Variants in ADGRL3 observed in about 807,000 individuals in gnomAD.
ADGRL3 encodes adhesion G protein-coupled receptor L3.
A neutral mutation model predicts 153.5 loss-of-function variants in ADGRL3; 62 were observed. That is an observed-to-expected ratio of 0.40 (90% CI 0.33 to 0.50). The LOEUF (loss-of-function observed/expected upper bound fraction) is 0.50. ADGRL3 is among the 20% of genes least tolerant of loss of function. ADGRL3 has a pLI of 0.47. For missense variants in ADGRL3, 1,641 were observed against 1,859.4 expected (o/e 0.88, Z 2.16); for synonymous variants, 710 against 672.5 (o/e 1.06, Z -0.86).
chr4:61,692,297 T>C (rs897222351), intron 6 of ADGRL3, among the ~76,000 whole-genome samples: 19 of 150,510 alleles, frequency 1.3e-4, no homozygotes, highest in African/African-American at 4.7e-4. Context: ...AATTCTTTTC[T>C]ACCCTCTTCT....
In ADGRL3 at chr4:61,691,227, G is replaced by A. The variant is rs534856647; in HGVS notation, c.583+14292G>A. 3.9e-5 allele frequency among the ~76,000 whole-genome samples: 6 copies of A among 152,194 alleles called. No homozygotes were observed. The South Asian group carries it at 8.3e-4, about 21-fold the overall frequency. On this transcript the variant is annotated intron_variant, in intron 6 of 26. Transcript: ENST00000683033. Reference sequence around the variant, plus strand: ...AGTACTTGATCAAATCTTGACACTCGCTGCTACTTAGGTACCTGATGATAG... The same window carrying A: ...AGTACTTGATCAAATCTTGACACTCACTGCTACTTAGGTACCTGATGATAG...
chr4:61,743,710 A>C (rs1465006391), intron 8 of ADGRL3, among the ~76,000 whole-genome samples: 1 of 152,194 alleles, frequency 6.6e-6, no homozygotes, highest in South Asian at 2.1e-4. Context: ...TGAAAGAATT[A>C]AGAAAAAGAC....
At chr4:61,412,556 G>T (rs892891316) in intron 2 of ADGRL3, among the ~76,000 whole-genome samples, 1 of 152,212 alleles carries the variant, frequency 6.6e-6, no homozygotes, top group African/African-American at 2.4e-5. Context: ...AGTGGGTTCT[G>T]CCTACCACAA....
intron 16 of ADGRL3, among the ~76,000 whole-genome samples, chr4:61,947,649 T>C (rs2098930905): frequency 6.6e-6 from 1 of 152,176 alleles, no homozygotes; most frequent in South Asian, 2.1e-4. Flanking sequence ...TAGGAGTACA[T>C]TAAACAGAAC....
intron 1 of ADGRL3, among the ~76,000 whole-genome samples, chr4:61,338,419 AAG>A (rs1560491947): frequency 1.8e-4 from 26 of 141,594 alleles, no homozygotes; most frequent in African/African-American, 5.7e-4. Context: ...GTGTGTGTGA[AAG>A]AGAGAGAGAG....
chr4:61,309,210 A>T (rs1392997029), intron 1 of ADGRL3, among the ~76,000 whole-genome samples: 2 of 152,168 alleles, frequency 1.3e-5, no homozygotes, highest in Non-Finnish European at 1.5e-5. Context: ...AACCTATTTG[A>T]ATTCAGTAAA....
intron 2 of ADGRL3, among the ~76,000 whole-genome samples, chr4:61,401,866 A>G (rs1428894343): frequency 2.6e-5 from 4 of 152,048 alleles, no homozygotes; most frequent in Non-Finnish European, 5.9e-5. Flanking sequence ...AAGATCAAAC[A>G]TCATTTTATA....
intron 5 of ADGRL3, among the ~76,000 whole-genome samples, chr4:61,630,781 G>A (rs550974298): frequency 7.9e-5 from 12 of 152,312 alleles, no homozygotes; most frequent in African/African-American, 2.6e-4. Context: ...CCGTTTTATG[G>A]ACAGGGAAAT....
chr4:61,370,329 C>T (rs1446823176), intron 1 of ADGRL3, among the ~76,000 whole-genome samples: 1 of 151,224 alleles, frequency 6.6e-6, no homozygotes, highest in African/African-American at 2.4e-5. Context: ...GTTAGGGTGT[C>T]AATTTTGGAT....
intron 8 of ADGRL3, among the ~76,000 whole-genome samples, chr4:61,771,683 G>A (rs2097088692): frequency 1.3e-5 from 2 of 152,114 alleles, no homozygotes; most frequent in Admixed American, 1.3e-4. Flanking sequence ...GCCTCCCAAA[G>A]AGCAGGGATT....
intron 6 of ADGRL3, among the ~76,000 whole-genome samples, chr4:61,702,836 G>A (rs2095792439): frequency 1.3e-5 from 2 of 151,982 alleles, no homozygotes; most frequent in South Asian, 2.1e-4. Flanking sequence ...ACTATATCAC[G>A]ATTAACTTTG....
chr4:61,771,376 G>C (rs1184402356), intron 8 of ADGRL3, among the ~76,000 whole-genome samples: 1 of 152,150 alleles, frequency 6.6e-6, no homozygotes, highest in East Asian at 1.9e-4. Flanking sequence ...CATATTAGGA[G>C]AGAAGGCCTC....
intron 4 of ADGRL3, among the ~76,000 whole-genome samples, chr4:61,585,977 CA>C (rs1304877126): frequency 6.6e-6 from 1 of 151,828 alleles, no homozygotes; most frequent in Non-Finnish European, 1.5e-5. Flanking sequence ...AAGCCATTCA[CA>C]AATAAAAGCA....
chr4:61,471,832 T>G (rs2097959087), intron 2 of ADGRL3, among the ~76,000 whole-genome samples: 1 of 152,080 alleles, frequency 6.6e-6, no homozygotes, highest in East Asian at 1.9e-4. Context: ...TAAACATTTT[T>G]TTTGTAAGAT....
intron 8 of ADGRL3, among the ~76,000 whole-genome samples, chr4:61,791,999 C>A (rs1244249986): frequency 1.3e-5 from 2 of 152,184 alleles, no homozygotes; most frequent in Non-Finnish European, 2.9e-5. Context: ...CCATGAAGAC[C>A]TCTCTCATGG....
In ADGRL3 at chr4:61,947,005, G is replaced by A. The variant is rs745313448; in HGVS notation, c.2511G>A (p.Leu837=). The change falls in exon 16 of 27, where the codon TTG becomes TTA. Residue 837 remains leucine, a synonymous_variant. Transcript: ENST00000683033. ...GTATGAAGTTGGGAACGGAAGCTTT[G>A]TCCACAAATCATTCTGTTATTGTCA... The part of the protein sequence containing the change: ...NASMKLGTEA[L]STNHSVIVNS... 6.2e-7 allele frequency: 1 copy of A among 1,613,734 alleles called. No homozygotes were observed. Among genetic ancestry groups the A allele is most frequent in the Non-Finnish European group, 8.5e-7 (1 of 1,179,770 alleles).
At chr4:61,630,342 A>G (rs1372021370) in intron 5 of ADGRL3, among the ~76,000 whole-genome samples, 1 of 152,228 alleles carries the variant, frequency 6.6e-6, no homozygotes, top group East Asian at 1.9e-4. Context: ...TGTTTTAATC[A>G]TAGCTCTTTT....
chr4:61,626,141 A>T (rs200472401), intron 5 of ADGRL3, among the ~76,000 whole-genome samples: 4,955 of 152,136 alleles, frequency 0.033, 145 homozygotes, highest in East Asian at 0.18. Flanking sequence ...TACAAAAAAA[A>T]AATTTACTTT....
intron 2 of ADGRL3, among the ~76,000 whole-genome samples, chr4:61,461,889 T>A (rs75872136): frequency 1.3e-5 from 2 of 152,020 alleles, no homozygotes; most frequent in Non-Finnish European, 2.9e-5. Flanking sequence ...TGCATTCTTA[T>A]TTTTTTTAAT....
Sources: allele counts gnomAD v4.1 joint callset (sites outside exome capture counted in the v4.1 genomes callset), GRCh38; gene constraint gnomAD v4.1.1; transcripts MANE v1.5; gene names NCBI Gene and HGNC (gene_info 2026-07-23, HGNC 2026-07-21).